DLC1: variants seen among roughly 807,000 people sequenced by gnomAD.
The protein encoded by DLC1 is DLC1 Rho GTPase activating protein.
DLC1 carries 54 observed loss-of-function variants against 140.3 expected under a neutral mutation model. The observed-to-expected ratio is 0.38, with a 90% CI of 0.31 to 0.48. DLC1 has a LOEUF of 0.48. Among genes scored for constraint, DLC1 ranks in the 20% least tolerant of loss-of-function variants. The pLI is 0.96. For missense variants in DLC1, 2,536 were observed against 1,907.0 expected (o/e 1.33, Z -6.14); for synonymous variants, 986 against 728.1 (o/e 1.35, Z -5.70).
At chr8:13,206,021 G>A (rs1488468237) in intron 5 of DLC1, among the ~76,000 whole-genome samples, 1 of 152,128 alleles carries the variant, frequency 6.6e-6, no homozygotes, top group African/African-American at 2.4e-5. Context: ...AGTGAACCTT[G>A]ACCTAGAGGA....
At chr8:13,394,364 T>C (rs1228689771) in intron 3 of DLC1, among the ~76,000 whole-genome samples, 1 of 152,234 alleles carries the variant, frequency 6.6e-6, no homozygotes. Context: ...ATAATTTTCA[T>C]TAAATGCTAG....
At chr8:13,598,617 C>T (rs1805759949) in intron 1 of DLC1, among the ~76,000 whole-genome samples, 1 of 152,030 alleles carries the variant, frequency 6.6e-6, no homozygotes, top group African/African-American at 2.4e-5. Flanking sequence ...AATCCATAAG[C>T]TGATGAACAC....
chr8:13,566,809 G>A (rs1173382543), intron 1 of DLC1: 2 of 740,108 alleles, frequency 2.7e-6, no homozygotes, highest in Non-Finnish European at 4.1e-6. Context: ...GCCGCATGGT[G>A]GCCAGTCACT....
intron 1 of DLC1, among the ~76,000 whole-genome samples, chr8:13,587,562 C>A (rs1346586859): frequency 1.4e-5 from 2 of 146,148 alleles, no homozygotes; most frequent in African/African-American, 2.5e-5. Context: ...CACACACACA[C>A]ACACACAGAG....
At chr8:13,416,594 A>G (rs909076650) in intron 2 of DLC1, among the ~76,000 whole-genome samples, 3 of 152,198 alleles carry the variant, frequency 2.0e-5, no homozygotes, top group Non-Finnish European at 2.9e-5. Flanking sequence ...TCAGAATCAA[A>G]TAGAAATAAA....
intron 2 of DLC1, among the ~76,000 whole-genome samples, chr8:13,403,582 A>G (rs1585048145): frequency 6.6e-6 from 1 of 152,142 alleles, no homozygotes; most frequent in East Asian, 1.9e-4. Flanking sequence ...ATATAAGCAA[A>G]GGAGTGGTTT....
chr8:13,118,004 C>CTTTTTTTTTTT (rs35775672), intron 5 of DLC1, among the ~76,000 whole-genome samples: 2 of 114,978 alleles, frequency 1.7e-5, no homozygotes, highest in African/African-American at 3.4e-5. Context: ...TGTTCTCTTT[C>CTTTTTTTTTTT]TTTTTTTTTT....
At chr8:13,269,409 C>T (rs1402608238) in intron 5 of DLC1, among the ~76,000 whole-genome samples, 1 of 152,142 alleles carries the variant, frequency 6.6e-6, no homozygotes, top group African/African-American at 2.4e-5. Flanking sequence ...AACTCCAGCA[C>T]ATGCCAACTG....
At chr8:13,211,528 A>C (rs1827942626) in intron 5 of DLC1, among the ~76,000 whole-genome samples, 1 of 152,306 alleles carries the variant, frequency 6.6e-6, no homozygotes, top group South Asian at 2.1e-4. Flanking sequence ...GTTCACTTGC[A>C]TCAGCTGGGT....
At chr8:13,468,841 A>ATTT (rs1585160821) in intron 2 of DLC1, among the ~76,000 whole-genome samples, 11 of 64,224 alleles carry the variant, frequency 1.7e-4, no homozygotes, top group East Asian at 1.1e-3. Flanking sequence ...TTTTTTTTTA[A>ATTT]GATGGAGTCT....
At chr8:13,281,121 C>T (rs573456398) in intron 5 of DLC1, among the ~76,000 whole-genome samples, 3 of 152,258 alleles carry the variant, frequency 2.0e-5, no homozygotes, top group South Asian at 4.1e-4. Context: ...TGGCATCTAG[C>T]GTGTATGTTA....
chr8:13,343,276 C>G (rs895292773), intron 4 of DLC1, among the ~76,000 whole-genome samples: 1 of 152,054 alleles, frequency 6.6e-6, no homozygotes, highest in African/African-American at 2.4e-5. Context: ...TGTAGATACA[C>G]CAAGTAATTA....
intron 5 of DLC1, among the ~76,000 whole-genome samples, chr8:13,120,551 G>A (rs1019413811): frequency 3.3e-5 from 5 of 151,550 alleles, no homozygotes; most frequent in African/African-American, 9.7e-5. Context: ...ATGTATGTGG[G>A]TGGTGATGTG....
intron 5 of DLC1, among the ~76,000 whole-genome samples, chr8:13,161,721 A>T (rs140325291): frequency 6.6e-6 from 1 of 152,286 alleles, no homozygotes; most frequent in South Asian, 2.1e-4. Flanking sequence ...AATGTCTCAC[A>T]TCCCTTGGAG....
At chr8:13,277,976 G>T (rs1465563680) in intron 5 of DLC1, among the ~76,000 whole-genome samples, 2 of 152,086 alleles carry the variant, frequency 1.3e-5, no homozygotes, top group Non-Finnish European at 2.9e-5. Context: ...TTATACAAAG[G>T]ATGATTATGA....
chr8:13,320,842 C>T (rs771473675), intron 4 of DLC1, among the ~76,000 whole-genome samples: 2 of 152,124 alleles, frequency 1.3e-5, no homozygotes, highest in African/African-American at 2.4e-5. Flanking sequence ...GAGACAGACA[C>T]CATCTCTACA....
intron 1 of DLC1, among the ~76,000 whole-genome samples, chr8:13,555,856 T>C (rs1196154875): frequency 6.6e-6 from 1 of 152,012 alleles, no homozygotes; most frequent in East Asian, 1.9e-4. Flanking sequence ...AAGTTTATTT[T>C]TGTTACATAT....
At chr8:13,333,576 C>G (rs1440771598) in intron 4 of DLC1, among the ~76,000 whole-genome samples, 2 of 152,178 alleles carry the variant, frequency 1.3e-5, no homozygotes, top group Non-Finnish European at 1.5e-5. Flanking sequence ...AAGACTGAAA[C>G]TGCTTAACGA....
intron 4 of DLC1, among the ~76,000 whole-genome samples, chr8:13,323,087 A>C (rs1279163993): frequency 1.3e-5 from 2 of 151,884 alleles, no homozygotes; most frequent in Admixed American, 1.3e-4. Flanking sequence ...TCTGTGGAAA[A>C]CCCTATGACA....
Sources: allele counts gnomAD v4.1 joint callset (sites outside exome capture counted in the v4.1 genomes callset), GRCh38; gene constraint gnomAD v4.1.1; transcripts MANE v1.5; gene names NCBI Gene and HGNC (gene_info 2026-07-23, HGNC 2026-07-21).